Variants in NEGR1 observed in about 807,000 individuals in gnomAD.
NEGR1 encodes the protein IgLON family member 4.
NEGR1 carries 10 observed loss-of-function variants against 40.9 expected under a neutral mutation model. That is an observed-to-expected ratio of 0.24 (90% CI 0.15 to 0.42). The LOEUF (loss-of-function observed/expected upper bound fraction) is 0.42, where lower values mean the gene tolerates loss of function less well. Ranked by LOEUF, NEGR1 falls within the 10% of genes least tolerant of loss-of-function variation. The probability of loss-of-function intolerance (pLI) is 1.00; values close to 1 mark genes in which losing one functional copy is unlikely to be tolerated. For synonymous variants in NEGR1, 185 were observed against 166.8 expected, an observed-to-expected ratio of 1.11 and a Z score of -0.84; for missense variants, 352 against 438.9, an observed-to-expected ratio of 0.80 and a Z score of 1.77.
At chr1:71,680,754 G>T (rs1652812628) in intron 4 of NEGR1, among the ~76,000 whole-genome samples, 1 of 152,102 alleles carries the variant, frequency 6.6e-6, no homozygotes, top group African/African-American at 2.4e-5. Context: ...TCATCCCACA[G>T]ATTAGACATT....
intron 1 of NEGR1, among the ~76,000 whole-genome samples, chr1:72,201,530 G>T (rs1248147392): frequency 1.3e-5 from 2 of 151,778 alleles, no homozygotes; most frequent in East Asian, 3.9e-4. Context: ...CAAGTAAAAT[G>T]AGAAAAATAT....
chr1:72,082,004 T>C (rs145966853), intron 1 of NEGR1, among the ~76,000 whole-genome samples: 27 of 152,258 alleles, frequency 1.8e-4, no homozygotes, highest in Middle Eastern at 3.4e-3. Flanking sequence ...TAGCAAGCTG[T>C]ATACATGGTG....
intron 1 of NEGR1, among the ~76,000 whole-genome samples, chr1:72,075,889 A>T (rs1158988002): frequency 6.6e-6 from 1 of 152,074 alleles, no homozygotes; most frequent in Non-Finnish European, 1.5e-5. Context: ...GAGTTCTTGG[A>T]TTGGTTTAGA....
At chr1:71,916,590 TAA>T (rs1173526817) in intron 2 of NEGR1, among the ~76,000 whole-genome samples, 2 of 151,784 alleles carry the variant, frequency 1.3e-5, no homozygotes, top group Non-Finnish European at 2.9e-5. Context: ...CCGTCTCTAC[TAA>T]AAAAATACAA....
intron 3 of NEGR1, among the ~76,000 whole-genome samples, chr1:71,757,035 C>A (rs555044454): frequency 6.6e-6 from 1 of 152,108 alleles, no homozygotes; most frequent in Admixed American, 6.5e-5. Flanking sequence ...GAGCCTTAGA[C>A]AAAAAATATA....
At chr1:71,982,263 C>T (rs1646360572) in intron 1 of NEGR1, among the ~76,000 whole-genome samples, 1 of 152,064 alleles carries the variant, frequency 6.6e-6, no homozygotes, top group Non-Finnish European at 1.5e-5. Flanking sequence ...AGTATTAAAC[C>T]CATGTGCTTT....
chr1:72,259,224 T>A (rs1033553421), intron 1 of NEGR1, among the ~76,000 whole-genome samples: 9 of 152,092 alleles, frequency 5.9e-5, no homozygotes, highest in African/African-American at 1.9e-4. Flanking sequence ...AACAAGGAGC[T>A]ATAGATTGTA....
intron 1 of NEGR1, among the ~76,000 whole-genome samples, chr1:72,148,535 T>C (rs1323273858): frequency 1.3e-5 from 2 of 152,164 alleles, no homozygotes; most frequent in East Asian, 3.9e-4. Flanking sequence ...AAAATGGGTT[T>C]TTCTTTTCTA....
intron 1 of NEGR1, among the ~76,000 whole-genome samples, chr1:72,039,347 C>T (rs948453477): frequency 6.6e-6 from 1 of 151,752 alleles, no homozygotes; most frequent in Non-Finnish European, 1.5e-5. Context: ...CAGGTAAGCA[C>T]AATAAGGAAT....
intron 1 of NEGR1, among the ~76,000 whole-genome samples, chr1:72,247,741 G>A (rs376401988): frequency 3.9e-5 from 6 of 151,924 alleles, no homozygotes; most frequent in East Asian, 3.9e-4. Flanking sequence ...CCCATTCCAC[G>A]TTTTCAGGTA....
intron 1 of NEGR1, among the ~76,000 whole-genome samples, chr1:72,280,617 A>G (rs1455954005): frequency 2.6e-5 from 4 of 152,190 alleles, no homozygotes; most frequent in Non-Finnish European, 5.9e-5. Flanking sequence ...GTGTAATATC[A>G]AAGATATTAG....
At chr1:71,843,452 C>G (rs1659310227) in intron 2 of NEGR1, among the ~76,000 whole-genome samples, 1 of 152,110 alleles carries the variant, frequency 6.6e-6, no homozygotes. Context: ...TGGTATCAAA[C>G]CAGGTGATTT....
At chr1:71,878,849 T>C (rs1320619279) in intron 2 of NEGR1, among the ~76,000 whole-genome samples, 1 of 152,208 alleles carries the variant, frequency 6.6e-6, no homozygotes, top group Non-Finnish European at 1.5e-5. Flanking sequence ...GTGATATATC[T>C]GGGTTGATGA....
intron 2 of NEGR1, among the ~76,000 whole-genome samples, chr1:71,867,344 C>T (rs573520118): frequency 1.3e-3 from 201 of 152,298 alleles, no homozygotes; most frequent in African/African-American, 4.5e-3. Context: ...ACTGAACCGC[C>T]ACCCTGGGCG....
Position 72,092,419 on chromosome 1 carries a change from T to G in NEGR1, c.177-157108A>C, listed in dbSNP as rs140636040. 5.9e-3 allele frequency among the ~76,000 whole-genome samples: 898 copies of G among 152,284 alleles called. 3 individuals are homozygous for G. Among genetic ancestry groups the G allele is most frequent in the Non-Finnish European group, 9.0e-3 (612 of 68,016 alleles). ...TGGAGAGGCATTTGGGGAAAATTTC[T>G]AGCTGAACCAGAAATTTATCTATTT... On this transcript the variant is annotated intron_variant, in intron 1 of 6. Coordinates refer to ENST00000357731, the MANE Select transcript of NEGR1 (RefSeq NM_173808.3).
chr1:71,440,991 GAC>G (rs373347599), intron 6 of NEGR1, among the ~76,000 whole-genome samples: 6 of 151,418 alleles, frequency 4.0e-5, no homozygotes, highest in East Asian at 1.9e-4. Context: ...TCAATTAAAA[GAC>G]AGAATTTATA....
At chr1:71,807,562 T>C (rs1043283112) in intron 2 of NEGR1, among the ~76,000 whole-genome samples, 5 of 152,198 alleles carry the variant, frequency 3.3e-5, no homozygotes, top group African/African-American at 1.2e-4. Flanking sequence ...ATGGAAATTG[T>C]TCATGCTTAA....
chr1:71,751,149 C>T (rs1251328994), intron 3 of NEGR1, among the ~76,000 whole-genome samples: 1 of 151,520 alleles, frequency 6.6e-6, no homozygotes, highest in East Asian at 1.9e-4. Flanking sequence ...AGAGTAATAT[C>T]CAATATGACT....
chr1:71,653,133 T>G (rs1017628962), intron 4 of NEGR1, among the ~76,000 whole-genome samples: 18 of 152,172 alleles, frequency 1.2e-4, no homozygotes, highest in Non-Finnish European at 2.5e-4. Context: ...ATTCAAATGT[T>G]TTTCAGGCAC....
Sources: gnomAD v4.1 joint callset for allele counts (sites outside exome capture counted in the v4.1 genomes callset) on GRCh38, gnomAD v4.1.1 for gene constraint, MANE v1.5 for transcripts, NCBI Gene and HGNC (gene_info 2026-07-23, HGNC 2026-07-21) for gene names.